TUBB3: variants seen among roughly 807,000 people sequenced by gnomAD.
The protein encoded by TUBB3 is tubulin beta 3 class III, also known as tubulin beta-3 chain.
In TUBB3, 17 loss-of-function variants were observed where a neutral mutation model predicts 37.8. That is an observed-to-expected ratio of 0.45 (90% CI 0.31 to 0.67). The LOEUF is 0.67. Ranked by LOEUF, TUBB3 falls within the 30% of genes least tolerant of loss-of-function variation. The probability of loss-of-function intolerance (pLI) is 0.07; values close to 1 mark genes in which losing one functional copy is unlikely to be tolerated. For missense variants in TUBB3, 262 were observed against 657.9 expected (o/e 0.40, Z 6.58); for synonymous variants, 332 against 278.9 (o/e 1.19, Z -1.90).
In TUBB3 at chr16:89,933,485, C is replaced by T. The variant is rs1423200485; in HGVS notation, c.184C>T (p.Arg62Ter). The change falls in exon 3 of 4, where the codon CGA becomes TGA. Residue 62 changes from arginine (R) to a stop codon, truncating the protein, a stop_gained. Transcript: ENST00000315491. LOFTEE classifies it high-confidence loss of function. The part of the protein sequence containing the change: ...NEASSHKYVP[R>*]AILVDLEPGT... Reference sequence around the variant, plus strand: ...CCCCTCAGCTCACAAGTACGTGCCTCGAGCCATTCTGGTGGACCTGGAACC... The same window carrying T: ...CCCCTCAGCTCACAAGTACGTGCCTTGAGCCATTCTGGTGGACCTGGAACC... 1.2e-6 allele frequency: 2 copies of T among 1,613,950 alleles called. No homozygotes were observed. The highest frequency in any genetic ancestry group is 1.7e-6 in the Non-Finnish European group (2 of 1,179,992).
chr16:89,935,828 G>A lies in TUBB3; in HGVS notation c.*24G>A. On this transcript the variant is annotated 3_prime_UTR_variant, in exon 4 of 4. Transcript: ENST00000315491. ...GAAGCTGCTCGCAGCTGGAGTGAGA[G>A]GCAGGTGGCGGCCGGGGCCGAAGCC... is the stretch of plus-strand genomic sequence containing the variant. 2 of 1,604,934 alleles carry A rather than the reference G, an allele frequency of 1.2e-6. No homozygotes were observed. The highest frequency in any genetic ancestry group is 1.7e-6 in the Non-Finnish European group (2 of 1,174,952).
chr16:89,932,799 T>C, intron 2 of TUBB3, 120 bp downstream of exon 2: 1 of 825,076 alleles, frequency 1.2e-6, no homozygotes, highest in South Asian at 1.4e-5. Flanking sequence ...TCCCATGGGT[T>C]AGGTTGGCTG....
chr16:89,928,096 A>C (rs987939221), intron 1 of TUBB3, among the ~76,000 whole-genome samples: 12 of 151,644 alleles, frequency 7.9e-5, no homozygotes, highest in Non-Finnish European at 1.8e-4. Flanking sequence ...ACAGGCTCTT[A>C]CTCTGTCGCC....
At chr16:89,924,080 C>A (rs2029982620) in intron 1 of TUBB3, among the ~76,000 whole-genome samples, 3 of 152,344 alleles carry the variant, frequency 2.0e-5, no homozygotes, top group South Asian at 4.1e-4. Flanking sequence ...CCTGGGCAAC[C>A]CCCGCGGGGC....
chr16:89,923,576 G>A, intron 1 of TUBB3, 118 bp downstream of exon 1: 1 of 994,576 alleles, frequency 1.0e-6, no homozygotes, highest in South Asian at 3.8e-5. Flanking sequence ...AAAGGGATGC[G>A]CCCAGCGCCG....
In TUBB3 at chr16:89,935,246, C is replaced by T; in HGVS notation, c.795C>T (p.Phe265=). The part of the protein sequence containing the change: ...VNMVPFPRLH[F]FMPGFAPLTA... Reference sequence around the variant, plus strand: ...TGGTGCCCTTCCCGCGCCTGCACTTCTTCATGCCCGGCTTCGCCCCCCTCA... The same window carrying T: ...TGGTGCCCTTCCCGCGCCTGCACTTTTTCATGCCCGGCTTCGCCCCCCTCA... The change falls in exon 4 of 4, where the codon TTC becomes TTT. Residue 265 remains phenylalanine, a synonymous_variant. Transcript: ENST00000315491. The T allele has an allele frequency of 6.2e-7, 1 of 1,613,780 alleles. No individual in the cohort carries two copies. Among genetic ancestry groups the T allele is most frequent in the South Asian group, 1.1e-5 (1 of 91,080 alleles).
chr16:89,935,786 G>A lies in TUBB3; in HGVS notation c.1335G>A (p.Glu445=), dbSNP rs532894837. The change falls in exon 4 of 4, where the codon GAG becomes GAA. Residue 445 remains glutamate, a synonymous_variant. Coordinates refer to ENST00000315491, the MANE Select transcript of TUBB3 (RefSeq NM_006086.4). ...EMYEDDEEES[E]AQGPK ...ACGAAGACGACGAGGAGGAGTCGGA[G>A]GCCCAGGGCCCCAAGTGAAGCTGCT... 26 of 1,613,280 alleles carry A rather than the reference G, an allele frequency of 1.6e-5. No individual in the cohort carries two copies. The highest frequency in any genetic ancestry group is 3.3e-4 in the Middle Eastern group (2 of 6,048).
At position 89,932,550 on chromosome 16, in the gene TUBB3, C is replaced by G. The variant is rs78656983; in HGVS notation, c.58-21C>G. ...GGGCTATGGGCCGGTGCCGACCCCC[C>G]CTCTCCCACTTTGTTTGCAGTTCTG... On this transcript the variant is annotated intron_variant, in intron 1 of 3. Transcript: ENST00000315491. The G allele has an allele frequency of 4.8e-3, 7,712 of 1,608,064 alleles. 244 individuals are homozygous for G. In the African/African-American group the frequency reaches 0.08, roughly 17 times the overall value.
In TUBB3 at chr16:89,932,660, C is replaced by T. The variant is rs924456382; in HGVS notation, c.147C>T (p.Val49=). The change falls in exon 2 of 4, where the codon GTC becomes GTT. Residue 49 remains valine, a synonymous_variant. Transcript: ENST00000315491. ...DSDLQLERIS[V]YYNEASSHKY... is the part of the protein sequence containing the mutation. The stretch of plus-strand genomic sequence containing the variant: ...ACTTGCAGCTGGAGCGGATCAGCGT[C>T]TACTACAACGAGGCCTCTTGTGAGT... The T allele has an allele frequency of 1.7e-5, 28 of 1,613,944 alleles. No individual in the cohort carries two copies. Among genetic ancestry groups the T allele is most frequent in the Non-Finnish European group, 2.1e-5 (25 of 1,180,012 alleles).
chr16:89,923,455 C>T lies in TUBB3; in HGVS notation c.54C>T (p.Ala18=). 6.7e-7 allele frequency: 1 copy of T among 1,500,080 alleles called. No individual in the cohort carries two copies. The highest frequency in any genetic ancestry group is 8.9e-7 in the Non-Finnish European group (1 of 1,123,644). The allele number at this position is 1,500,080 out of a possible 1,614,324, so 92.9% of individuals were successfully genotyped here. The change falls in exon 1 of 4, where the codon GCC becomes GCT. Residue 18 remains alanine, a synonymous_variant. Transcript: ENST00000315491. ...GCCAGTGCGGCAACCAGATCGGGGC[C>T]AAGGTGAGGCTGCGCGCCCCGGCCT... is the stretch of plus-strand genomic sequence containing the variant. The part of the protein sequence containing the change: ...QAGQCGNQIG[A]KFWEVISDEH...
At chr16:89,933,171 A>G (rs1385760746) in intron 2 of TUBB3, 3 of 653,214 alleles carry the variant, frequency 4.6e-6, no homozygotes, top group Non-Finnish European at 8.5e-6. Context: ...CAAGCGATCC[A>G]CCTGCCTTGG....
At chr16:89,929,276 T>C (rs1021739808) in intron 1 of TUBB3, among the ~76,000 whole-genome samples, 3 of 152,190 alleles carry the variant, frequency 2.0e-5, no homozygotes, top group African/African-American at 7.2e-5. Flanking sequence ...ATCATTTTTG[T>C]AATTTAAAAA....
At chr16:89,923,507 G>C in intron 1 of TUBB3, 49 bp downstream of exon 1, 2 of 1,372,486 alleles carry the variant, frequency 1.5e-6, no homozygotes, top group Non-Finnish European at 1.9e-6. Flanking sequence ...CGGGAGGAGG[G>C]AGGCGCCGTG....
chr16:89,929,109 C>T (rs938578169), intron 1 of TUBB3, among the ~76,000 whole-genome samples: 3 of 151,860 alleles, frequency 2.0e-5, no homozygotes, highest in Non-Finnish European at 2.9e-5. Flanking sequence ...ATTACAGGTG[C>T]GCGCTACCAC....
chr16:89,933,993 C>G, intron 3 of TUBB3: 1 of 426,312 alleles, frequency 2.3e-6, no homozygotes, highest in Non-Finnish European at 3.9e-6. Context: ...GCCGTGGATG[C>G]CACGTTCCCA....
chr16:89,935,133 C>T lies in TUBB3; in HGVS notation c.682C>T (p.Leu228=). 2 of 1,614,160 alleles carry T rather than the reference C, an allele frequency of 1.2e-6. No homozygotes were observed. The highest frequency in any genetic ancestry group is 2.2e-5 in the South Asian group (2 of 91,080). Residue 228 remains leucine (L), a synonymous_variant, in exon 4 of 4, where the codon CTG becomes TTG. Coordinates refer to ENST00000315491, the MANE Select transcript of TUBB3 (RefSeq NM_006086.4). ...GCCCACCTACGGGGACCTCAACCAC[C>T]TGGTATCGGCCACCATGAGCGGAGT... ...ATPTYGDLNH[L]VSATMSGVTT...
chr16:89,932,442 A>T (rs910349425), intron 1 of TUBB3, 129 bp from the exon 2 acceptor site: 2 of 734,862 alleles, frequency 2.7e-6, no homozygotes, highest in East Asian at 5.3e-5. Flanking sequence ...TCTCTTCTGA[A>T]TGGGGCTCGT....
upstream of TUBB3, chr16:89,922,394 T>G (rs1251997915): frequency 2.6e-5 from 4 of 152,464 alleles, no homozygotes; most frequent in East Asian, 3.8e-4. Context: ...GGTGGCACTG[T>G]AATATCTGGC....
At chr16:89,924,922 C>T (rs897270226) in intron 1 of TUBB3, among the ~76,000 whole-genome samples, 1 of 151,382 alleles carries the variant, frequency 6.6e-6, no homozygotes, top group African/African-American at 2.4e-5. Context: ...AGCATCTGCT[C>T]CTGGGAGGGT....
Sources: allele counts gnomAD v4.1 joint callset (sites outside exome capture counted in the v4.1 genomes callset), GRCh38; gene constraint gnomAD v4.1.1; transcripts MANE v1.5; gene names NCBI Gene and HGNC (gene_info 2026-07-23, HGNC 2026-07-21).